SLC4A4: variants seen among roughly 807,000 people sequenced by gnomAD.
SLC4A4 encodes the protein electrogenic sodium bicarbonate cotransporter 1.
Under a neutral mutation model 111.5 loss-of-function variants are expected in SLC4A4, and 27 were observed. The observed-to-expected ratio is 0.24, with a 90% CI of 0.18 to 0.33. The LOEUF (loss-of-function observed/expected upper bound fraction) is 0.33, where lower values mean the gene tolerates loss of function less well. Among genes scored for constraint, SLC4A4 ranks in the 10% least tolerant of loss-of-function variants. The probability of loss-of-function intolerance (pLI) is 1.00; values close to 1 mark genes in which losing one functional copy is unlikely to be tolerated. For missense variants in SLC4A4, 909 were observed against 1,315.5 expected (o/e 0.69, Z 4.78); for synonymous variants, 443 against 463.4 (o/e 0.96, Z 0.57).
intron 11 of SLC4A4, among the ~76,000 whole-genome samples, chr4:71,452,121 T>A (rs867349271): frequency 6.6e-6 from 1 of 151,900 alleles, no homozygotes; most frequent in Non-Finnish European, 1.5e-5. Flanking sequence ...CATGAAAAGG[T>A]ATGTCATTAT....
chr4:71,396,664 T>C (rs1719845627), intron 6 of SLC4A4, among the ~76,000 whole-genome samples: 1 of 152,110 alleles, frequency 6.6e-6, no homozygotes, highest in Admixed American at 6.5e-5. Flanking sequence ...AGCCTAGAAA[T>C]TTCAGGTCCA....
At chr4:71,191,645 C>T (rs988662986) in intron 1 of SLC4A4, among the ~76,000 whole-genome samples, 3 of 152,072 alleles carry the variant, frequency 2.0e-5, no homozygotes, top group South Asian at 2.1e-4. Flanking sequence ...GCCCACTTGC[C>T]GCAACTTTAT....
chr4:71,063,845 T>A (rs1741448363), intron 1 of SLC4A4, among the ~76,000 whole-genome samples: 1 of 152,178 alleles, frequency 6.6e-6, no homozygotes, highest in Non-Finnish European at 1.5e-5. Context: ...AGTGATGTAT[T>A]ATATACAGGA....
chr4:71,544,069 A>C (rs1735297188), intron 18 of SLC4A4, among the ~76,000 whole-genome samples: 1 of 152,116 alleles, frequency 6.6e-6, no homozygotes, highest in South Asian at 2.1e-4. Flanking sequence ...TCCTCATATT[A>C]CTTACAGTCT....
At chr4:71,362,479 A>G (rs1730883369) in intron 6 of SLC4A4, among the ~76,000 whole-genome samples, 1 of 152,248 alleles carries the variant, frequency 6.6e-6, no homozygotes, top group Non-Finnish European at 1.5e-5. Context: ...AATTTTATAC[A>G]ATATGTTTAA....
At chr4:71,302,128 G>A (rs1463052213) in intron 3 of SLC4A4, among the ~76,000 whole-genome samples, 1 of 152,144 alleles carries the variant, frequency 6.6e-6, no homozygotes, top group Non-Finnish European at 1.5e-5. Flanking sequence ...TGTATATTTA[G>A]TCTTCTGAGC....
At position 71,095,945 on chromosome 4, in the gene SLC4A4, A is replaced by T. The variant is rs138519787; in HGVS notation, c.-2+3153A>T. 1.5e-3 allele frequency among the ~76,000 whole-genome samples: 232 copies of T among 152,316 alleles called. 1 individual carries two copies. The highest frequency in any genetic ancestry group is 4.7e-3 in the African/African-American group (195 of 41,566). On this transcript the variant is annotated intron_variant, in intron 2 of 26. Transcript: ENST00000649996. ...ATTCCAGATAGAGAAGACAGCATGT[A>T]TGAAAGTGAGAGAGATTTTTACACA...
At chr4:71,234,112 T>C (rs1195971881) in intron 1 of SLC4A4, among the ~76,000 whole-genome samples, 1 of 152,204 alleles carries the variant, frequency 6.6e-6, no homozygotes, top group Non-Finnish European at 1.5e-5. Context: ...TACTGATTCC[T>C]TCCTGTCATT....
chr4:71,472,409 T>C (rs945687609), intron 13 of SLC4A4, among the ~76,000 whole-genome samples: 1 of 151,968 alleles, frequency 6.6e-6, no homozygotes, highest in Non-Finnish European at 1.5e-5. Context: ...ATAAACTCTA[T>C]GAAGGTAGGG....
intron 3 of SLC4A4, among the ~76,000 whole-genome samples, chr4:71,273,888 C>T (rs559434496): frequency 6.5e-4 from 99 of 152,068 alleles, no homozygotes; most frequent in Non-Finnish European, 1.2e-3. Flanking sequence ...TACTGTCTGA[C>T]TCATGGAACT....
intron 1 of SLC4A4, among the ~76,000 whole-genome samples, chr4:71,083,122 G>A (rs1181789642): frequency 2.0e-5 from 3 of 151,848 alleles, no homozygotes; most frequent in African/African-American, 7.3e-5. Flanking sequence ...CAAAGTGCTG[G>A]GATTGCAGGC....
intron 2 of SLC4A4, among the ~76,000 whole-genome samples, chr4:71,248,747 G>A (rs1257248767): frequency 1.3e-5 from 2 of 152,150 alleles, no homozygotes. Flanking sequence ...TAGAGTGCCA[G>A]TCAGTTTTTG....
chr4:71,519,067 T>G (rs1323423165), intron 16 of SLC4A4, among the ~76,000 whole-genome samples: 2 of 152,174 alleles, frequency 1.3e-5, no homozygotes, highest in Non-Finnish European at 2.9e-5. Context: ...CCTACCTTCT[T>G]CAATGTGTCT....
At chr4:71,438,954 A>G (rs1236678421) in intron 7 of SLC4A4, among the ~76,000 whole-genome samples, 2 of 151,990 alleles carry the variant, frequency 1.3e-5, no homozygotes, top group Admixed American at 6.6e-5. Flanking sequence ...CAGTTGTTTA[A>G]TATTTGGTAT....
In SLC4A4 at chr4:71,568,754, A is replaced by G. The variant is rs41265675; in HGVS notation, c.*1003A>G. 4.5e-3 allele frequency: 679 copies of G among 152,214 alleles called. 6 individuals carry two copies. Among genetic ancestry groups the G allele is most frequent in the Non-Finnish European group, 4.8e-3 (327 of 67,794 alleles). 9.4% of individuals were successfully genotyped at this position (152,214 alleles called of 1,614,324 possible). A position where few individuals can be genotyped will look rare whatever the true frequency, so the allele number is the denominator to read the frequency against. ...TAAAAATTGTATTGTATATAATGTG[A>G]TTTTTACACATACATACACACACAA... On this transcript the variant is annotated 3_prime_UTR_variant, in exon 26 of 26. Coordinates refer to ENST00000264485, the MANE Select transcript of SLC4A4 (RefSeq NM_001098484.3).
chr4:71,300,678 C>T (rs1725176224), intron 3 of SLC4A4: 3 of 386,802 alleles, frequency 7.8e-6, no homozygotes, highest in Non-Finnish European at 1.6e-5. Flanking sequence ...GCAGCAGGCC[C>T]AGCGGAGTGA....
chr4:71,526,740 C>T (rs915288966), intron 16 of SLC4A4, among the ~76,000 whole-genome samples: 2 of 151,966 alleles, frequency 1.3e-5, no homozygotes, highest in Non-Finnish European at 2.9e-5. Context: ...CTGAAATGGG[C>T]CTCAGTGGGC....
At chr4:71,531,808 AAGAG>A (rs1413796593) in intron 16 of SLC4A4, among the ~76,000 whole-genome samples, 8 of 115,648 alleles carry the variant, frequency 6.9e-5, no homozygotes, top group Middle Eastern at 4.3e-3. Flanking sequence ...CACACACAGA[AAGAG>A]AGAGAGAGAG....
At chr4:71,175,265 G>A (rs535232570) in intron 2 of SLC4A4, among the ~76,000 whole-genome samples, 14 of 152,370 alleles carry the variant, frequency 9.2e-5, no homozygotes, top group African/African-American at 3.1e-4. Context: ...TCCAGCATGA[G>A]TGACGCAGAA....
Sources: gnomAD v4.1 joint callset for allele counts (sites outside exome capture counted in the v4.1 genomes callset) on GRCh38, gnomAD v4.1.1 for gene constraint, MANE v1.5 for transcripts, NCBI Gene and HGNC (gene_info 2026-07-23, HGNC 2026-07-21) for gene names.